MEGF11: variants seen among roughly 807,000 people sequenced by gnomAD.
MEGF11 encodes multiple epidermal growth factor-like domains protein 11.
MEGF11 carries 126 observed loss-of-function variants against 146.6 expected under a neutral mutation model. The ratio of observed to expected loss-of-function variants is 0.86; its 90% CI spans 0.74 to 1.00. The LOEUF (loss-of-function observed/expected upper bound fraction) is 1.00. MEGF11 is among the 50% of genes least tolerant of loss of function. The probability of loss-of-function intolerance (pLI) is 0.00; values close to 1 mark genes in which losing one functional copy is unlikely to be tolerated. For synonymous variants in MEGF11, 532 were observed against 583.4 expected (o/e 0.91, Z 1.27); for missense variants, 1,509 against 1,521.2 (o/e 0.99, Z 0.13).
intron 1 of MEGF11, among the ~76,000 whole-genome samples, chr15:66,177,466 A>C (rs1017468304): frequency 2.0e-4 from 30 of 152,116 alleles, no homozygotes; most frequent in African/African-American, 7.2e-4. Flanking sequence ...TATGCACAGT[A>C]ATCTTTCTCC....
chr15:66,107,798 A>G (rs2087168473), intron 4 of MEGF11, among the ~76,000 whole-genome samples: 1 of 152,028 alleles, frequency 6.6e-6, no homozygotes, highest in African/African-American at 2.4e-5. Context: ...AAGCCAGCCC[A>G]CTCATCCTTG....
intron 1 of MEGF11, among the ~76,000 whole-genome samples, chr15:66,169,295 A>G (rs970364133): frequency 6.6e-6 from 1 of 152,140 alleles, no homozygotes; most frequent in Non-Finnish European, 1.5e-5. Context: ...GAGCCACCTG[A>G]TCTCCCTGGC....
chr15:66,253,404 G>T (rs991582321), intron 1 of MEGF11, among the ~76,000 whole-genome samples: 1 of 152,160 alleles, frequency 6.6e-6, no homozygotes, highest in Non-Finnish European at 1.5e-5. Context: ...TGCAAGCCCC[G>T]GCATCCACCT....
intron 5 of MEGF11, among the ~76,000 whole-genome samples, chr15:66,086,296 A>C (rs2086106027): frequency 6.6e-6 from 1 of 152,230 alleles, no homozygotes; most frequent in Admixed American, 6.5e-5. Flanking sequence ...ATCCAAGTAC[A>C]AGAAGCACAA....
intron 15 of MEGF11, among the ~76,000 whole-genome samples, chr15:65,918,439 T>C (rs2079072714): frequency 6.6e-6 from 1 of 152,264 alleles, no homozygotes. Context: ...CAGTGCTCCC[T>C]GTACTGTTCC....
intron 5 of MEGF11, among the ~76,000 whole-genome samples, chr15:66,026,276 T>G (rs2083328167): frequency 6.6e-6 from 1 of 152,190 alleles, no homozygotes; most frequent in Non-Finnish European, 1.5e-5. Context: ...GAGCCTGAGA[T>G]TCTGTGTTGC....
chr15:66,008,324 G>A (rs1032293223), intron 5 of MEGF11, among the ~76,000 whole-genome samples: 2 of 151,812 alleles, frequency 1.3e-5, no homozygotes, highest in African/African-American at 2.4e-5. Flanking sequence ...AGCACTAGGG[G>A]AAAACCATCA....
intron 1 of MEGF11, among the ~76,000 whole-genome samples, chr15:66,209,068 C>T (rs1055910124): frequency 6.6e-6 from 1 of 152,122 alleles, no homozygotes; most frequent in African/African-American, 2.4e-5. Flanking sequence ...ACTAAACATG[C>T]AGGCCGGGCA....
chr15:66,060,784 G>A (rs781622246), intron 5 of MEGF11, among the ~76,000 whole-genome samples: 3 of 152,266 alleles, frequency 2.0e-5, no homozygotes, highest in Non-Finnish European at 4.4e-5. Flanking sequence ...GGAAAGATCT[G>A]TGCAGTTGAA....
chr15:66,055,132 C>A (rs1452549051), intron 5 of MEGF11, among the ~76,000 whole-genome samples: 1 of 152,194 alleles, frequency 6.6e-6, no homozygotes, highest in East Asian at 1.9e-4. Context: ...CACAATTCCA[C>A]CGGCAAGTGC....
At chr15:66,010,589 A>C (rs538516928) in intron 5 of MEGF11, among the ~76,000 whole-genome samples, 3 of 152,348 alleles carry the variant, frequency 2.0e-5, no homozygotes, top group Admixed American at 2.0e-4. Context: ...CAGGTTGGAC[A>C]GCTCTATTGA....
intron 1 of MEGF11, among the ~76,000 whole-genome samples, chr15:66,220,681 G>A (rs183391301): frequency 0.098 from 14,843 of 151,946 alleles, 1,476 homozygotes; most frequent in East Asian, 0.5. Flanking sequence ...GGGACTACAG[G>A]TGTGTGCCAC....
chr15:66,205,309 G>C (rs1189999231), intron 1 of MEGF11, among the ~76,000 whole-genome samples: 12 of 152,108 alleles, frequency 7.9e-5, no homozygotes. Context: ...GGGCATGGTA[G>C]CACGTACCTG....
intron 4 of MEGF11, among the ~76,000 whole-genome samples, chr15:66,103,298 A>G (rs2086908291): frequency 6.6e-6 from 1 of 152,208 alleles, no homozygotes; most frequent in Non-Finnish European, 1.5e-5. Context: ...CTATAACGGA[A>G]TGGTTATTAT....
At chr15:66,151,459 A>C (rs2089569664) in intron 1 of MEGF11, among the ~76,000 whole-genome samples, 2 of 152,168 alleles carry the variant, frequency 1.3e-5, no homozygotes, top group South Asian at 4.1e-4. Context: ...CTCTGCCACC[A>C]GTCACGGACA....
At chr15:66,024,444 A>C (rs779009356) in intron 5 of MEGF11, among the ~76,000 whole-genome samples, 1 of 152,226 alleles carries the variant, frequency 6.6e-6, no homozygotes, top group Non-Finnish European at 1.5e-5. Context: ...CCAAAGTCAC[A>C]CAGCTGGCCA....
intron 1 of MEGF11, among the ~76,000 whole-genome samples, chr15:66,133,287 C>T (rs993782099): frequency 6.6e-6 from 1 of 152,226 alleles, no homozygotes; most frequent in African/African-American, 2.4e-5. Flanking sequence ...CATTGAAGCA[C>T]AGGCAGTAGC....
chr15:66,003,005 T>C (rs1052590139), intron 5 of MEGF11, among the ~76,000 whole-genome samples: 2 of 152,006 alleles, frequency 1.3e-5, no homozygotes, highest in African/African-American at 2.4e-5. Flanking sequence ...TCTTTTTTTT[T>C]TTTGAGATAG....
At chr15:65,964,157 C>T (rs563793923) in intron 9 of MEGF11, among the ~76,000 whole-genome samples, 50 of 152,294 alleles carry the variant, frequency 3.3e-4, no homozygotes, top group African/African-American at 1.1e-3. Context: ...CCAGCTGGTG[C>T]GTGAAGCGGG....
Sources: gnomAD v4.1 joint callset for allele counts (sites outside exome capture counted in the v4.1 genomes callset) on GRCh38, gnomAD v4.1.1 for gene constraint, MANE v1.5 for transcripts, NCBI Gene and HGNC (gene_info 2026-07-23, HGNC 2026-07-21) for gene names.